Variants in FCRL3 observed in about 807,000 individuals in gnomAD.
FCRL3 encodes the protein Fc receptor-like protein 3.
FCRL3 carries 89 observed loss-of-function variants against 75.0 expected under a neutral mutation model. The observed-to-expected ratio is 1.19, with a 90% CI of 1.00 to 1.42. The LOEUF (loss-of-function observed/expected upper bound fraction) is 1.42. FCRL3 is among the 40% of genes most tolerant of loss of function. FCRL3 has a pLI of 0.00. For missense variants in FCRL3, 946 were observed against 880.0 expected (o/e 1.07, Z -0.95); for synonymous variants, 376 against 348.5 (o/e 1.08, Z -0.88).
chr1:157,682,368 T>C (rs369884138), intron 11 of FCRL3, among the ~76,000 whole-genome samples: 1 of 152,216 alleles, frequency 6.6e-6, no homozygotes, highest in African/African-American at 2.4e-5. Context: ...AGGGTTTTTA[T>C]GGTTTTAGGT....
In FCRL3 at chr1:157,697,109, A is replaced by G; in HGVS notation, c.844+31T>C. 4 of 1,404,214 alleles carry G rather than the reference A, an allele frequency of 2.8e-6. No individual in the cohort carries two copies. In the South Asian group the frequency reaches 8.0e-5, roughly 28 times the overall value. 87.0% of individuals were successfully genotyped at this position (1,404,214 alleles called of 1,614,324 possible). On this transcript the variant is annotated intron_variant, in intron 6 of 14. Coordinates refer to ENST00000368184, the MANE Select transcript of FCRL3 (RefSeq NM_052939.4). ...ACTGGCCTTCCTCTCCCCAGCTCTG[A>G]CTCTGGAAGAGCAGCCCCTTAGACA...
In FCRL3 at chr1:157,697,371, TC is replaced by T. The variant is rs1383354514; in HGVS notation, c.612del (p.Ser205ValfsTer3). ...GTCTCACAGGTCAGGGTCATGGGACTCCCCTCTATGGGCGTGGAAGAGCTGG... is the reference window on the plus strand; with the variant it reads ...GTCTCACAGGTCAGGGTCATGGGACTCCCTCTATGGGCGTGGAAGAGCTGG... ...LRASSSTPIE[G>X]SPMTLTCETQ... On this transcript the variant is annotated frameshift_variant, in exon 6 of 15. Coordinates refer to ENST00000368184, the MANE Select transcript of FCRL3 (RefSeq NM_052939.4). LOFTEE classifies it high-confidence loss of function. 1 of 1,588,212 alleles carries T rather than the reference TC, an allele frequency of 6.3e-7. No homozygotes were observed.
chr1:157,678,805 C>A lies in FCRL3; in HGVS notation c.2110G>T (p.Ala704Ser), dbSNP rs1455603123. The A allele has an allele frequency of 6.2e-7, 1 of 1,614,028 alleles. No individual in the cohort carries two copies. The highest frequency in any genetic ancestry group is 8.5e-7 in the Non-Finnish European group (1 of 1,180,002). ...ELKKTHPDDS[A>S]GEASSRGRAH... ...CTGCCTCTGCTGCTAGCCTCCCCTGCAGAGTCGTCTGGGTGTGTCTTCTTC... is the reference window on the plus strand; with the variant it reads ...CTGCCTCTGCTGCTAGCCTCCCCTGAAGAGTCGTCTGGGTGTGTCTTCTTC... The change falls in exon 15 of 15, where the codon GCA becomes TCA. Residue 704 changes from alanine (A) to serine (S), a missense_variant. Coordinates refer to ENST00000368184, the MANE Select transcript of FCRL3 (RefSeq NM_052939.4).
chr1:157,698,681 C>T, intron 3 of FCRL3, 52 bp from the exon 4 acceptor site: 7 of 1,598,944 alleles, frequency 4.4e-6, no homozygotes, highest in Non-Finnish European at 6.0e-6. Flanking sequence ...GGGAGGTGGG[C>T]ACAGCACATG....
rs1654785711 is a variant in FCRL3, at chr1:157,680,771, C to T, written c.1958-1G>A. 2 of 1,613,896 alleles carry T rather than the reference C, an allele frequency of 1.2e-6. No homozygotes were observed. Among genetic ancestry groups the T allele is most frequent in the South Asian group, 2.2e-5 (2 of 91,080 alleles). On this transcript the variant is annotated splice_acceptor_variant, in intron 12 of 14. Coordinates refer to ENST00000368184, the MANE Select transcript of FCRL3 (RefSeq NM_052939.4). LOFTEE classifies it high-confidence loss of function. ...ATCGGGTTGCTATCTCCAGGATTTA[C>T]TGTGAGAGAAGATATCATAGTTGGT...
chr1:157,695,435 G>A lies in FCRL3; in HGVS notation c.1305C>T (p.Ala435=), dbSNP rs200922617. ...CTGCAGTCAGAGAGAGGTTGAAGGA[G>A]GCTCCTCCTCCAGAGGGGGCTGAGC... ...GNSSAPSGGG[A]SFNLSLTAEH... The change falls in exon 8 of 15, where the codon GCC becomes GCT. Residue 435 remains alanine (A), a synonymous_variant. Transcript: ENST00000368184. The A allele has an allele frequency of 2.5e-4, 409 of 1,614,218 alleles. No homozygotes were observed. The highest frequency in any genetic ancestry group is 2.9e-4 in the Non-Finnish European group (346 of 1,180,036).
chr1:157,689,254 G>A (rs1655358295), intron 10 of FCRL3, among the ~76,000 whole-genome samples: 1 of 152,148 alleles, frequency 6.6e-6, no homozygotes, highest in Non-Finnish European at 1.5e-5. Context: ...CATCTATATA[G>A]AACATCTGAT....
In FCRL3 at chr1:157,678,389, G is replaced by A. The variant is rs1654596420; in HGVS notation, c.*321C>T. On this transcript the variant is annotated 3_prime_UTR_variant, in exon 15 of 15. Coordinates refer to ENST00000368184, the MANE Select transcript of FCRL3 (RefSeq NM_052939.4). ...GATCACACTTGGATCAAATGGTCAT[G>A]ATTGTGCCCTTGTAACCCTGGCTAG... The A allele has an allele frequency of 8.5e-7, 1 of 1,174,362 alleles. No homozygotes were observed. The highest frequency in any genetic ancestry group is 2.5e-5 in the South Asian group (1 of 40,058). 72.7% of individuals were successfully genotyped at this position (1,174,362 alleles called of 1,614,324 possible). A position where few individuals can be genotyped will look rare whatever the true frequency, so the allele number is the denominator to read the frequency against.
rs1162262652 is a variant in FCRL3 at position 157,677,393 on chromosome 1, A to G, written c.*1317T>C. The G allele has an allele frequency of 1.0e-6, 1 of 985,606 alleles. No individual in the cohort carries two copies. Among genetic ancestry groups the G allele is most frequent in the Non-Finnish European group, 1.2e-6 (1 of 830,158 alleles). The allele number at this position is 985,606 out of a possible 1,614,324, so 61.1% of individuals were successfully genotyped here. On this transcript the variant is annotated 3_prime_UTR_variant, in exon 15 of 15. Transcript: ENST00000368184. Reference sequence around the variant, plus strand: ...GCTTTGAAAGGGACTTGGTGTTCCTACATGAACCAAGTGAAGGCCTAGAAT... The same window carrying G: ...GCTTTGAAAGGGACTTGGTGTTCCTGCATGAACCAAGTGAAGGCCTAGAAT...
In FCRL3 at chr1:157,700,661, C is replaced by G; in HGVS notation, c.-97+1G>C. 2 of 1,474,394 alleles carry G rather than the reference C, an allele frequency of 1.4e-6. No individual in the cohort carries two copies. The highest frequency in any genetic ancestry group is 1.8e-4 in the Middle Eastern group (1 of 5,444). 91.3% of individuals were successfully genotyped at this position (1,474,394 alleles called of 1,614,324 possible). A position where few individuals can be genotyped will look rare whatever the true frequency, so the allele number is the denominator to read the frequency against. On this transcript the variant is annotated splice_donor_variant, in intron 1 of 14. Transcript: ENST00000368184. LOFTEE classifies it low-confidence loss of function (5UTR_SPLICE). ...GGCTCTGAAAATGTGAATGTGGCTA[C>G]CTTCCTAAATGCTGTTTGTATCTCA...
intron 13 of FCRL3, among the ~76,000 whole-genome samples, chr1:157,680,160 C>T (rs1414936634): frequency 1.3e-5 from 2 of 152,066 alleles, no homozygotes; most frequent in African/African-American, 4.8e-5. Context: ...CATAAAGGTG[C>T]CAAGAGTTCA....
intron 2 of FCRL3, among the ~76,000 whole-genome samples, chr1:157,700,122 G>A (rs554867068): frequency 6.6e-6 from 1 of 152,244 alleles, no homozygotes; most frequent in Admixed American, 6.5e-5. Flanking sequence ...CACGTGCCTA[G>A]GTTTTTAGAA....
intron 2 of FCRL3, among the ~76,000 whole-genome samples, chr1:157,700,112 C>T (rs1483420845): frequency 6.6e-6 from 1 of 152,182 alleles, no homozygotes; most frequent in Non-Finnish European, 1.5e-5. Flanking sequence ...AACCTTCCTT[C>T]ACGTGCCTAG....
intron 10 of FCRL3, among the ~76,000 whole-genome samples, chr1:157,684,280 AT>A (rs1263657425): frequency 6.6e-6 from 1 of 152,188 alleles, no homozygotes; most frequent in South Asian, 2.1e-4. Flanking sequence ...CCTTTTTAAA[AT>A]CTGTGGCTCT....
At chr1:157,680,876 A>G in intron 12 of FCRL3, 105 bp downstream of exon 12, 1 of 1,414,488 alleles carries the variant, frequency 7.1e-7, no homozygotes, top group Non-Finnish European at 9.9e-7. Flanking sequence ...GTGTAATGCT[A>G]GGAATGTCAT....
rs139081042 is a variant in FCRL3, at chr1:157,683,244, C to T, written c.1811G>A (p.Gly604Glu). Residue 604 changes from glycine to glutamate, a missense_variant and splice_region_variant, in exon 11 of 15, where the codon GGA becomes GAA. Transcript: ENST00000368184. The stretch of plus-strand genomic sequence containing the variant: ...AGATGTTCCAGTGGCAGAAAGTCCT[C>T]CTGCAAAACAAACAAAGGAAGGTTG... ...LHYARARRKP[G>E]GLSATGTSSH... 1.2e-3 allele frequency: 1,939 copies of T among 1,613,424 alleles called. 3 individuals are homozygous for T. Among genetic ancestry groups the T allele is most frequent in the Non-Finnish European group, 1.6e-3 (1,860 of 1,179,696 alleles).
chr1:157,695,680 G>A, intron 7 of FCRL3, 73 bp from the exon 8 acceptor site: 1 of 1,481,788 alleles, frequency 6.7e-7, no homozygotes, highest in Non-Finnish European at 9.1e-7. Flanking sequence ...AAGGAGCCTA[G>A]CAATGGATAT....
intron 8 of FCRL3, 124 bp downstream of exon 8, chr1:157,695,205 G>T: frequency 1.0e-6 from 1 of 969,298 alleles, no homozygotes; most frequent in South Asian, 1.7e-5. Context: ...GAACTCCCAG[G>T]TGGAGTCAGA....
At chr1:157,690,052 T>G in intron 9 of FCRL3, 135 bp from the exon 10 acceptor site, 1 of 1,371,530 alleles carries the variant, frequency 7.3e-7, no homozygotes, top group Non-Finnish European at 1.0e-6. Flanking sequence ...AACTATGGCA[T>G]ATGAAAGGTA....
Sources: allele counts gnomAD v4.1 joint callset (sites outside exome capture counted in the v4.1 genomes callset), GRCh38; gene constraint gnomAD v4.1.1; transcripts MANE v1.5; gene names NCBI Gene and HGNC (gene_info 2026-07-23, HGNC 2026-07-21).